The following RBL1 variants were observed in gnomAD, a reference collection of about 807,000 sequenced individuals.
RBL1 encodes the protein retinoblastoma-like protein 1.
A neutral mutation model predicts 123.0 loss-of-function variants in RBL1; 82 were observed. The ratio of observed to expected loss-of-function variants is 0.67; its 90% CI spans 0.56 to 0.80. The LOEUF is 0.80. Ranked by LOEUF, RBL1 falls within the 30% of genes least tolerant of loss-of-function variation. The probability of loss-of-function intolerance (pLI) is 0.00; values close to 1 mark genes in which losing one functional copy is unlikely to be tolerated. For synonymous variants in RBL1, 405 were observed against 441.3 expected, an observed-to-expected ratio of 0.92 and a Z score of 1.03; for missense variants, 1,171 against 1,299.6, an observed-to-expected ratio of 0.90 and a Z score of 1.52.
rs1425708359 is a variant in RBL1, at chr20:36,998,627, T to C, written c.*132A>G. ...TTGGATAAATATTTTAAAAAGCACA[T>C]AATTTTTGTGCAATTTTTTCTTATA... is the stretch of plus-strand genomic sequence containing the variant. On this transcript the variant is annotated 3_prime_UTR_variant, in exon 22 of 22. Transcript: ENST00000373664. The C allele has an allele frequency of 9.2e-6, 7 of 760,572 alleles. No homozygotes were observed. Among genetic ancestry groups the C allele is most frequent in the Non-Finnish European group, 1.4e-5 (7 of 499,140 alleles). 47.1% of individuals were successfully genotyped at this position (760,572 alleles called of 1,614,324 possible). A position where few individuals can be genotyped will look rare whatever the true frequency, so the allele number is the denominator to read the frequency against.
In RBL1 at chr20:37,057,048, CCTAT is replaced by C. The variant is rs1364695689; in HGVS notation, c.1251-794_1251-791del. 6.0e-4 allele frequency among the ~76,000 whole-genome samples: 86 copies of C among 143,906 alleles called. 2 individuals carry two copies. In the Middle Eastern group the frequency reaches 0.011, roughly 18 times the overall value. The allele number at this position is 143,906 out of a possible 152,430, so 94.4% of individuals were successfully genotyped here. On this transcript the variant is annotated intron_variant, in intron 9 of 21. Coordinates refer to ENST00000373664, the MANE Select transcript of RBL1 (RefSeq NM_002895.5). ...ACCTACCTACCTACCTACCTACCTACCTATCTACCTATCTACACACACACACATA... is the reference window on the plus strand; with the variant it reads ...ACCTACCTACCTACCTACCTACCTACCTACCTATCTACACACACACACATA...
chr20:37,035,403 A>AGTGCTTAT lies in RBL1; in HGVS notation c.2008_2009insATAAGCAC (p.Leu670HisfsTer9). ...TCCTTCTGTTATGATCTTGTCCATA[A>AGTGCTTAT]GCATTTCCTTTGGGGGGTCCTCTCC... On this transcript the variant is annotated frameshift_variant, in exon 15 of 22. Transcript: ENST00000373664. LOFTEE classifies it high-confidence loss of function. 6.2e-7 allele frequency: 1 copy of AGTGCTTAT among 1,614,140 alleles called. No individual in the cohort carries two copies. Among genetic ancestry groups the AGTGCTTAT allele is most frequent in the South Asian group, 1.1e-5 (1 of 91,088 alleles).
intron 11 of RBL1, among the ~76,000 whole-genome samples, chr20:37,050,857 G>GA (rs111688184): frequency 7.0e-4 from 101 of 144,370 alleles, no homozygotes; most frequent in East Asian, 4.8e-3. Context: ...AAAGATTTCA[G>GA]AAAAAAAAAA....
At chr20:37,032,611 A>G in intron 16 of RBL1, 54 bp downstream of exon 16, 1 of 1,597,480 alleles carries the variant, frequency 6.3e-7, no homozygotes, top group Non-Finnish European at 8.5e-7. Context: ...CTGTTACTCA[A>G]TCTTTCTTCC....
Position 37,032,902 on chromosome 20 carries a change from T to C in RBL1, c.2171-26A>G, listed in dbSNP as rs2064537828. 3.7e-6 allele frequency: 6 copies of C among 1,612,308 alleles called. No homozygotes were observed. The East Asian group carries it at 1.3e-4, about 36-fold the overall frequency. ...CTGAATGTATAAGCATTATTAGAAA[T>C]AATCTGCATATGTTCTAGGAAAGTT... is the stretch of plus-strand genomic sequence containing the variant. On this transcript the variant is annotated intron_variant, in intron 15 of 21. Coordinates refer to ENST00000373664, the MANE Select transcript of RBL1 (RefSeq NM_002895.5).
chr20:37,089,198 T>C, intron 1 of RBL1, 76 bp from the exon 2 acceptor site: 1 of 1,362,882 alleles, frequency 7.3e-7, no homozygotes, highest in Non-Finnish European at 9.9e-7. Flanking sequence ...ACAAGAGATG[T>C]AGAATTATCT....
At chr20:37,015,080 A>AAG (rs1555849407) in intron 19 of RBL1, among the ~76,000 whole-genome samples, 4 of 150,620 alleles carry the variant, frequency 2.7e-5, no homozygotes, top group African/African-American at 7.4e-5. Flanking sequence ...AAAAAAAAAA[A>AAG]AAAGAAAGAA....
Position 37,035,273 on chromosome 20 carries a change from T to G in RBL1, c.2139A>C (p.Thr713=). The G allele has an allele frequency of 6.2e-7, 1 of 1,613,982 alleles. No individual in the cohort carries two copies. Among genetic ancestry groups the G allele is most frequent in the Non-Finnish European group, 8.5e-7 (1 of 1,179,842 alleles). Residue 713 remains threonine, a synonymous_variant, in exon 15 of 22, where the codon ACA becomes ACC. Coordinates refer to ENST00000373664, the MANE Select transcript of RBL1 (RefSeq NM_002895.5). ...LTMATAPVTG[T]TGHKVTIPLH... is the part of the protein sequence containing the mutation. ...ATGGAATTGTAACTTTATGTCCTGT[T>G]GTTCCTGTTACTGGGGCTGTGGCCA...
intron 6 of RBL1, 93 bp from the exon 7 acceptor site, chr20:37,065,566 AACAC>A: frequency 1.3e-6 from 1 of 765,776 alleles, no homozygotes; most frequent in Admixed American, 2.3e-5. Flanking sequence ...ATATTGTTAT[AACAC>A]ACACACAAAA....
rs1238281308 is a variant in RBL1 at position 37,020,723 on chromosome 20, T to C, written c.2567A>G (p.Lys856Arg). 1 of 1,576,480 alleles carries C rather than the reference T, an allele frequency of 6.3e-7. No homozygotes were observed. The highest frequency in any genetic ancestry group is 1.2e-5 in the South Asian group (1 of 86,512). The change falls in exon 18 of 22, where the codon AAA (lysine) becomes AGA (arginine). Residue 856 changes from lysine to arginine, a missense_variant. Lys to Arg is a conservative substitution (Grantham distance 26, BLOSUM62 2). Transcript: ENST00000373664. ...AATTTCTTGAAAAGTTCTTTCTTCT[T>C]TTGTTACCTAAGGAAAATAAAAACC... ...CAFYIMAKVT[K>R]EERTFQEIMK...
At chr20:37,060,982 A>T in intron 9 of RBL1, 121 bp downstream of exon 9, 1 of 1,078,992 alleles carries the variant, frequency 9.3e-7, no homozygotes, top group Non-Finnish European at 1.3e-6. Flanking sequence ...TTGAAATGGT[A>T]TAGTAAAACT....
intron 2 of RBL1, among the ~76,000 whole-genome samples, chr20:37,081,361 G>T (rs1182568926): frequency 5.3e-5 from 8 of 152,094 alleles, no homozygotes; most frequent in Non-Finnish European, 1.2e-4. Flanking sequence ...TGGCTGGTGC[G>T]GTGGCTCACA....
intron 7 of RBL1, among the ~76,000 whole-genome samples, chr20:37,062,645 CAA>C (rs60370479): frequency 2.5e-5 from 1 of 40,110 alleles, no homozygotes; most frequent in Admixed American, 3.6e-4. Context: ...GACTCTGTCT[CAA>C]AAAAAAAAAA....
intron 2 of RBL1, among the ~76,000 whole-genome samples, chr20:37,081,403 G>A (rs1441194627): frequency 6.6e-6 from 1 of 152,160 alleles, no homozygotes; most frequent in African/African-American, 2.4e-5. Flanking sequence ...TGCTTTGGGA[G>A]GCAAAGGCAG....
chr20:37,011,516 C>G (rs555063937), intron 19 of RBL1, among the ~76,000 whole-genome samples: 2 of 148,694 alleles, frequency 1.3e-5, no homozygotes, highest in African/African-American at 5.0e-5. Flanking sequence ...CTCACTGCAA[C>G]CTCAGCCCCC....
At chr20:37,084,679 C>T (rs1392854625) in intron 2 of RBL1, among the ~76,000 whole-genome samples, 4 of 151,774 alleles carry the variant, frequency 2.6e-5, no homozygotes, top group Admixed American at 1.3e-4. Flanking sequence ...TCCTGAGTGA[C>T]AGAGCAAGAC....
chr20:37,029,578 G>A (rs984796154), intron 16 of RBL1, among the ~76,000 whole-genome samples: 4 of 152,074 alleles, frequency 2.6e-5, no homozygotes, highest in East Asian at 3.8e-4. Flanking sequence ...AACATAGAAC[G>A]GGAATTCCTA....
chr20:37,018,496 G>A (rs544459347), intron 18 of RBL1, 127 bp from the exon 19 acceptor site: 1 of 1,298,516 alleles, frequency 7.7e-7, no homozygotes, highest in African/African-American at 1.5e-5. Flanking sequence ...ATACTCAAGG[G>A]TAAAATGTTA....
chr20:37,088,216 G>C (rs2146335141), intron 2 of RBL1, among the ~76,000 whole-genome samples: 1 of 148,434 alleles, frequency 6.7e-6, no homozygotes, highest in African/African-American at 2.5e-5. Context: ...GGTGAGCTGA[G>C]ATTGCACCAC....
Sources: gnomAD v4.1 joint callset for allele counts (sites outside exome capture counted in the v4.1 genomes callset) on GRCh38, gnomAD v4.1.1 for gene constraint, MANE v1.5 for transcripts, NCBI Gene and HGNC (gene_info 2026-07-23, HGNC 2026-07-21) for gene names.